Variants in EEF1AKMT2 observed in about 807,000 individuals in gnomAD.
EEF1AKMT2 encodes eukaryotic translation elongation factor 1 alpha lysine methyltransferase 2.
A neutral mutation model predicts 35.8 loss-of-function variants in EEF1AKMT2; 32 were observed. The ratio of observed to expected loss-of-function variants is 0.89; its 90% CI spans 0.67 to 1.20. EEF1AKMT2 has a LOEUF of 1.20. EEF1AKMT2 is among the 50% of genes most tolerant of loss of function. The pLI, the probability that EEF1AKMT2 is intolerant of heterozygous loss-of-function variation, is 0.00. For synonymous variants in EEF1AKMT2, 121 were observed against 133.7 expected (o/e 0.91, Z 0.65); for missense variants, 330 against 347.5 (o/e 0.95, Z 0.40).
In EEF1AKMT2 at chr10:124,765,396, A is replaced by T; in HGVS notation, c.612T>A (p.Ser204Arg). ...AAACACCATATAGTCACTTACCTTC[A>T]CTGAATTCATTTAGCAACTCTTCCT... ...WTKEELLNEF[S>R]EGWSTVAGFW... The change falls in exon 5 of 7, where the codon AGT (serine) becomes AGA (arginine). Residue 204 changes from serine to arginine, a missense_variant. By Grantham distance (110) the Ser-to-Arg change is moderately radical. Coordinates refer to ENST00000368836, the MANE Select transcript of EEF1AKMT2 (RefSeq NM_212554.4). The T allele has an allele frequency of 6.2e-7, 1 of 1,613,440 alleles. No homozygotes were observed. The highest frequency in any genetic ancestry group is 8.5e-7 in the Non-Finnish European group (1 of 1,179,498).
chr10:124,761,347 C>A (rs2134118449), intron 6 of EEF1AKMT2, among the ~76,000 whole-genome samples: 1 of 151,848 alleles, frequency 6.6e-6, no homozygotes, highest in South Asian at 2.1e-4. Flanking sequence ...GACAATTGCA[C>A]AAAAAAATGT....
At position 124,762,520 on chromosome 10, in the gene EEF1AKMT2, A is replaced by AGGC; in HGVS notation, c.652_654dup (p.Ala218dup). 1 of 1,274,200 alleles carries AGGC rather than the reference A, an allele frequency of 7.8e-7. No individual in the cohort carries two copies. 78.9% of individuals were successfully genotyped at this position (1,274,200 alleles called of 1,614,324 possible). ...AAGATCGCTTGAGCCCAGGAAGTCA[A>AGGC]GGCTGCAGTGAGCCAAAATCCTGCC... is the stretch of plus-strand genomic sequence containing the variant. On this transcript the variant is annotated inframe_insertion, in exon 6 of 7. Transcript: ENST00000368836.
chr10:124,777,010 T>G (rs1310210880), intron 3 of EEF1AKMT2, among the ~76,000 whole-genome samples: 2 of 151,786 alleles, frequency 1.3e-5, no homozygotes, highest in Non-Finnish European at 2.9e-5. Context: ...CCGGGCATGG[T>G]GGCTCAAGCT....
At chr10:124,775,837 G>A (rs1417978711) in intron 3 of EEF1AKMT2, among the ~76,000 whole-genome samples, 1 of 151,624 alleles carries the variant, frequency 6.6e-6, no homozygotes, top group Non-Finnish European at 1.5e-5. Context: ...TATTCCTTGA[G>A]ATTTTCTCCC....
At chr10:124,760,892 C>T (rs1456601467) in intron 6 of EEF1AKMT2, among the ~76,000 whole-genome samples, 8 of 152,206 alleles carry the variant, frequency 5.3e-5, no homozygotes, top group African/African-American at 1.4e-4. Context: ...CTTTTTGAGA[C>T]GGAGTCTCAC....
intron 3 of EEF1AKMT2, among the ~76,000 whole-genome samples, chr10:124,779,700 AC>A (rs1950522237): frequency 7.2e-6 from 1 of 138,094 alleles, no homozygotes; most frequent in Non-Finnish European, 1.5e-5. Flanking sequence ...GTGAGCCAAG[AC>A]TGCACCACTG....
intron 1 of EEF1AKMT2, among the ~76,000 whole-genome samples, 199 bp downstream of exon 1, chr10:124,791,525 G>C (rs138438618): frequency 5.6e-4 from 85 of 152,214 alleles, no homozygotes; most frequent in African/African-American, 2.0e-3. Flanking sequence ...CCCTTGAAAC[G>C]TCGGTTAACC....
chr10:124,777,826 C>T (rs534839708), intron 3 of EEF1AKMT2, among the ~76,000 whole-genome samples: 1 of 152,176 alleles, frequency 6.6e-6, no homozygotes, highest in South Asian at 2.1e-4. Context: ...AGCCACTGTG[C>T]CCAGCCCTAA....
At chr10:124,771,355 T>TC (rs1950434065) in intron 4 of EEF1AKMT2, among the ~76,000 whole-genome samples, 1 of 151,218 alleles carries the variant, frequency 6.6e-6, no homozygotes, top group Non-Finnish European at 1.5e-5. Context: ...CACCTTGGCC[T>TC]CCCAAGATGC....
chr10:124,767,047 G>C (rs1354579795), intron 4 of EEF1AKMT2, among the ~76,000 whole-genome samples: 3 of 150,706 alleles, frequency 2.0e-5, no homozygotes. Context: ...TGTAGTCCCA[G>C]CTACTCGGCA....
chr10:124,783,883 G>C (rs545769323), intron 3 of EEF1AKMT2, among the ~76,000 whole-genome samples: 1 of 152,078 alleles, frequency 6.6e-6, no homozygotes, highest in African/African-American at 2.4e-5. Flanking sequence ...GGAGTGCAAC[G>C]GTGCAATCTC....
intron 3 of EEF1AKMT2, among the ~76,000 whole-genome samples, 172 bp downstream of exon 3, chr10:124,788,871 T>C (rs74594004): frequency 6.6e-6 from 1 of 151,920 alleles, no homozygotes; most frequent in East Asian, 1.9e-4. Flanking sequence ...AGGACTCAGA[T>C]TGCCTAGGTT....
chr10:124,757,411 C>T (rs1454636026), downstream of EEF1AKMT2, among the ~76,000 whole-genome samples: 3 of 152,132 alleles, frequency 2.0e-5, no homozygotes, highest in Admixed American at 2.0e-4. Flanking sequence ...CACATACACA[C>T]ACACAATTCG....
intron 3 of EEF1AKMT2, among the ~76,000 whole-genome samples, chr10:124,786,627 A>G (rs972296604): frequency 1.3e-5 from 2 of 152,030 alleles, no homozygotes; most frequent in African/African-American, 4.8e-5. Flanking sequence ...CAGCTGGCCA[A>G]CATAGCAGAA....
At chr10:124,787,746 A>G (rs1156233672) in intron 3 of EEF1AKMT2, among the ~76,000 whole-genome samples, 1 of 152,078 alleles carries the variant, frequency 6.6e-6, no homozygotes, top group African/African-American at 2.4e-5. Flanking sequence ...AAAAAAAAAA[A>G]AAGGAAGAAA....
chr10:124,788,526 C>T (rs1950606535), intron 3 of EEF1AKMT2, among the ~76,000 whole-genome samples: 1 of 151,584 alleles, frequency 6.6e-6, no homozygotes, highest in South Asian at 2.1e-4. Context: ...AAGCCTAAGT[C>T]TTATAATTCC....
At chr10:124,789,771 A>AG (rs1343620711) in intron 2 of EEF1AKMT2, among the ~76,000 whole-genome samples, 1 of 151,874 alleles carries the variant, frequency 6.6e-6, no homozygotes, top group East Asian at 1.9e-4. Context: ...AAAAAAAAAA[A>AG]AAAAGTAAAA....
intron 4 of EEF1AKMT2, among the ~76,000 whole-genome samples, chr10:124,771,784 G>A (rs1047526485): frequency 5.3e-5 from 8 of 152,060 alleles, no homozygotes; most frequent in African/African-American, 1.9e-4. Context: ...CAGGAGAATG[G>A]CATGAACCTG....
intron 6 of EEF1AKMT2, 142 bp from the exon 7 acceptor site, chr10:124,760,645 T>C (rs1052603811): frequency 3.2e-6 from 2 of 629,226 alleles, no homozygotes; most frequent in African/African-American, 1.8e-5. Flanking sequence ...TTTCACTTCA[T>C]GATTTTTCAA....
Sources: gnomAD v4.1 joint callset for allele counts (sites outside exome capture counted in the v4.1 genomes callset) on GRCh38, gnomAD v4.1.1 for gene constraint, MANE v1.5 for transcripts, NCBI Gene and HGNC (gene_info 2026-07-23, HGNC 2026-07-21) for gene names.